Variants in SEMA3A observed in about 807,000 individuals in gnomAD.
The protein encoded by SEMA3A is semaphorin 3A, also known as semaphorin-3A.
In SEMA3A, 29 loss-of-function variants were observed where a neutral mutation model predicts 97.9. The ratio of observed to expected loss-of-function variants is 0.30; its 90% CI spans 0.22 to 0.40. The LOEUF (loss-of-function observed/expected upper bound fraction) is 0.40, where lower values mean the gene tolerates loss of function less well. SEMA3A is among the 10% of genes least tolerant of loss of function. The pLI is 1.00. For missense variants in SEMA3A, 763 were observed against 951.3 expected (o/e 0.80, Z 2.60); for synonymous variants, 321 against 323.7 (o/e 0.99, Z 0.09).
chr7:84,055,681 C>A (rs917085597), intron 5 of SEMA3A, among the ~76,000 whole-genome samples: 1 of 151,924 alleles, frequency 6.6e-6, no homozygotes, highest in South Asian at 2.1e-4. Context: ...TGCTCACGCT[C>A]GGAGCTGTAG....
chr7:84,194,947 GTC>G (rs1296706247), upstream of SEMA3A: 1 of 169,774 alleles, frequency 5.9e-6, no homozygotes, highest in Non-Finnish European at 1.2e-5. Context: ...GCCGGTGGCA[GTC>G]TCTAATCCTG....
chr7:84,376,563 C>CACT (rs1364899843), intron 1 of SEMA3A, among the ~76,000 whole-genome samples: 1 of 100,382 alleles, frequency 1.0e-5, no homozygotes, highest in Non-Finnish European at 2.0e-5. Flanking sequence ...GAGATCGCGC[C>CACT]ACTGCACTCC....
intron 5 of SEMA3A, 142 bp downstream of exon 5, chr7:84,060,323 A>G: frequency 1.7e-6 from 1 of 588,886 alleles, no homozygotes; most frequent in Non-Finnish European, 3.0e-6. Context: ...CTTCATTTTC[A>G]AACATTTGAA....
chr7:84,041,518 C>G (rs968706608), intron 6 of SEMA3A, among the ~76,000 whole-genome samples: 1 of 151,956 alleles, frequency 6.6e-6, no homozygotes, highest in Non-Finnish European at 1.5e-5. Flanking sequence ...CTAAAGTTTG[C>G]ATATTTGAAT....
At chr7:84,426,236 T>C (rs114380461) in intron 1 of SEMA3A, among the ~76,000 whole-genome samples, 33 of 151,812 alleles carry the variant, frequency 2.2e-4, no homozygotes, top group African/African-American at 8.0e-4. Flanking sequence ...GAAGTATAGA[T>C]ACATAGATAG....
At position 84,250,254 on chromosome 7, in the gene SEMA3A, A is replaced by AT. The variant is rs555623056; in HGVS notation, c.-82-55587dup. 6.6e-3 allele frequency among the ~76,000 whole-genome samples: 985 copies of AT among 148,584 alleles called. 38 individuals carry two copies. The East Asian group carries it at 0.11, about 17-fold the overall frequency. On this transcript the variant is annotated intron_variant, in intron 3 of 3. Transcript: ENST00000424555. ...AAATTTACATTTTGGTTACATTAATATTTTTTTTTTTCATCTGTGGTTTAA... is the reference window on the plus strand; with the variant it reads ...AAATTTACATTTTGGTTACATTAATATTTTTTTTTTTTCATCTGTGGTTTAA...
chr7:84,223,971 C>A (rs1216115746), intron 3 of SEMA3A, among the ~76,000 whole-genome samples: 3 of 151,750 alleles, frequency 2.0e-5, no homozygotes, highest in African/African-American at 7.3e-5. Context: ...AATAAAAGTG[C>A]ATGGCCAAGG....
intron 6 of SEMA3A, among the ~76,000 whole-genome samples, chr7:84,014,920 C>G (rs565860749): frequency 2.0e-5 from 3 of 152,236 alleles, no homozygotes; most frequent in Non-Finnish European, 4.4e-5. Context: ...ACCCAACATT[C>G]TATCTATCAG....
intron 6 of SEMA3A, among the ~76,000 whole-genome samples, chr7:84,015,106 C>T (rs182363768): frequency 2.4e-4 from 36 of 152,310 alleles, no homozygotes; most frequent in African/African-American, 6.0e-4. Flanking sequence ...CACTCCTTCT[C>T]CAAACTCTCA....
intron 3 of SEMA3A, among the ~76,000 whole-genome samples, chr7:84,298,335 C>T (rs1800918899): frequency 6.6e-6 from 1 of 152,142 alleles, no homozygotes; most frequent in Non-Finnish European, 1.5e-5. Flanking sequence ...CTCTCCCATT[C>T]TTAACCCCAG....
intron 3 of SEMA3A, among the ~76,000 whole-genome samples, chr7:84,277,445 A>G (rs1800332691): frequency 6.6e-6 from 1 of 152,132 alleles, no homozygotes; most frequent in African/African-American, 2.4e-5. Context: ...TTCACTACTG[A>G]ACTTTTGGTT....
chr7:84,088,176 C>T (rs1170278451), intron 4 of SEMA3A, among the ~76,000 whole-genome samples: 1 of 152,062 alleles, frequency 6.6e-6, no homozygotes, highest in Admixed American at 6.6e-5. Context: ...AGTATGCTTG[C>T]CAGGCGCAGT....
At chr7:84,272,884 A>G (rs907566355) in intron 3 of SEMA3A, among the ~76,000 whole-genome samples, 4 of 152,200 alleles carry the variant, frequency 2.6e-5, no homozygotes, top group Admixed American at 2.6e-4. Flanking sequence ...AAACGCAATT[A>G]TTTACAATGG....
chr7:84,105,109 A>G (rs1193823911), intron 4 of SEMA3A, among the ~76,000 whole-genome samples: 1 of 152,154 alleles, frequency 6.6e-6, no homozygotes, highest in South Asian at 2.1e-4. Context: ...ACAGACTCCA[A>G]TGTAAGATCT....
chr7:84,064,104 G>A (rs958702260), intron 4 of SEMA3A, among the ~76,000 whole-genome samples: 5 of 152,134 alleles, frequency 3.3e-5, no homozygotes, highest in Admixed American at 3.3e-4. Context: ...AAGAGAGGGG[G>A]GGCCAATATT....
Position 84,011,033 on chromosome 7 carries a change from A to G in SEMA3A, c.984T>C (p.Phe328=), listed in dbSNP as rs770048253. 5.6e-6 allele frequency: 9 copies of G among 1,607,378 alleles called. No individual in the cohort carries two copies. The highest frequency in any genetic ancestry group is 3.4e-5 in the Admixed American group (2 of 59,534). ...DPKNPVVYGV[F]TTSSNIFKGS... is the part of the protein sequence containing the mutation. The stretch of plus-strand genomic sequence containing the variant: ...AAAAAGTTACTTACCTGGAAGTCGT[A>G]AACACTCCATATACAACTGGATTTT... The change falls in exon 9 of 17, where the codon TTT becomes TTC. Residue 328 remains phenylalanine (F), a synonymous_variant. Transcript: ENST00000265362.
At chr7:84,037,117 T>C (rs758323751) in intron 6 of SEMA3A, among the ~76,000 whole-genome samples, 1 of 152,024 alleles carries the variant, frequency 6.6e-6, no homozygotes, top group Non-Finnish European at 1.5e-5. Flanking sequence ...TCCTTCAACA[T>C]TCTTTGCAGA....
At chr7:84,486,340 A>T (rs1254092293) in intron 1 of SEMA3A, among the ~76,000 whole-genome samples, 1 of 152,236 alleles carries the variant, frequency 6.6e-6, no homozygotes, top group Non-Finnish European at 1.5e-5. Flanking sequence ...GTGAGCCAAG[A>T]TCGTGCCATT....
At chr7:84,070,121 G>A (rs1793685708) in intron 4 of SEMA3A, among the ~76,000 whole-genome samples, 1 of 151,428 alleles carries the variant, frequency 6.6e-6, no homozygotes, top group Admixed American at 6.6e-5. Context: ...TCTTACATGG[G>A]CTGAAAGAGT....
Sources: gnomAD v4.1 joint callset for allele counts (sites outside exome capture counted in the v4.1 genomes callset) on GRCh38, gnomAD v4.1.1 for gene constraint, MANE v1.5 for transcripts, NCBI Gene and HGNC (gene_info 2026-07-23, HGNC 2026-07-21) for gene names.